PRDM5: variants seen among roughly 807,000 people sequenced by gnomAD.
The protein encoded by PRDM5 is PR/SET domain 5, also known as PR domain zinc finger protein 5.
In PRDM5, 56 loss-of-function variants were observed where a neutral mutation model predicts 81.2. That is an observed-to-expected ratio of 0.69 (90% confidence interval 0.56 to 0.86). The LOEUF (loss-of-function observed/expected upper bound fraction) is 0.86, where lower values mean the gene tolerates loss of function less well. PRDM5 is among the 40% of genes least tolerant of loss of function. PRDM5 has a pLI of 0.00. For missense variants in PRDM5, 697 were observed against 770.1 expected (o/e 0.91, Z 1.12); for synonymous variants, 267 against 256.4 (o/e 1.04, Z -0.39).
At chr4:120,787,549 GA>G (rs1475050460) in intron 10 of PRDM5, among the ~76,000 whole-genome samples, 21 of 152,250 alleles carry the variant, frequency 1.4e-4, no homozygotes, top group African/African-American at 4.8e-4. Flanking sequence ...GAGATAATTA[GA>G]GCTTATCCAG....
intron 13 of PRDM5, among the ~76,000 whole-genome samples, chr4:120,774,914 GTATATGTATA>G (rs1430763910): frequency 5.0e-4 from 69 of 137,366 alleles, no homozygotes; most frequent in African/African-American, 5.4e-4. Flanking sequence ...ATATGTATAT[GTATATGTATA>G]TATATGTATA....
At chr4:120,707,173 AC>A (rs1331877710) in intron 15 of PRDM5, among the ~76,000 whole-genome samples, 7 of 152,124 alleles carry the variant, frequency 4.6e-5, no homozygotes, top group Non-Finnish European at 8.8e-5. Flanking sequence ...CCTAAAACAA[AC>A]AAACAAGCAA....
chr4:120,793,301 A>G (rs923063346), intron 10 of PRDM5, among the ~76,000 whole-genome samples: 1 of 152,178 alleles, frequency 6.6e-6, no homozygotes, highest in African/African-American at 2.4e-5. Context: ...ATGATCTGTC[A>G]CTGTCTCTCA....
intron 15 of PRDM5, among the ~76,000 whole-genome samples, chr4:120,709,946 C>T (rs1736709634): frequency 6.6e-6 from 1 of 152,154 alleles, no homozygotes; most frequent in African/African-American, 2.4e-5. Flanking sequence ...CCAGTCAAAT[C>T]TCTGGTTTAA....
intron 8 of PRDM5, among the ~76,000 whole-genome samples, chr4:120,806,834 C>A (rs1460258520): frequency 9.2e-5 from 14 of 152,048 alleles, no homozygotes; most frequent in South Asian, 8.3e-4. Flanking sequence ...GCAACAAAAG[C>A]CAAAATTGAC....
intron 14 of PRDM5, among the ~76,000 whole-genome samples, chr4:120,750,718 A>ACACATG (rs1240938492): frequency 6.7e-6 from 1 of 149,910 alleles, no homozygotes; most frequent in Non-Finnish European, 1.5e-5. Flanking sequence ...ACACACACAC[A>ACACATG]CGCGCACACA....
intron 14 of PRDM5, among the ~76,000 whole-genome samples, chr4:120,719,101 T>C (rs1738215029): frequency 6.6e-6 from 1 of 152,196 alleles, no homozygotes; most frequent in Admixed American, 6.5e-5. Context: ...TTTCTGGATC[T>C]CAGCAAAAGG....
chr4:120,817,935 T>G (rs1242162108), intron 5 of PRDM5, among the ~76,000 whole-genome samples: 2 of 152,204 alleles, frequency 1.3e-5, no homozygotes, highest in East Asian at 3.8e-4. Context: ...CTTTATACTT[T>G]GAACTCCCCA....
chr4:120,836,271 A>G (rs1233756166), intron 3 of PRDM5, among the ~76,000 whole-genome samples: 1 of 152,232 alleles, frequency 6.6e-6, no homozygotes, highest in Admixed American at 6.5e-5. Flanking sequence ...TGTTGATGTC[A>G]GAAGTTCAGG....
At chr4:120,886,275 T>C (rs890502835) in intron 2 of PRDM5, among the ~76,000 whole-genome samples, 2 of 152,216 alleles carry the variant, frequency 1.3e-5, no homozygotes, top group Non-Finnish European at 2.9e-5. Context: ...TCCAAACACC[T>C]AAAAGGACTT....
chr4:120,793,216 G>C (rs1750840448), intron 10 of PRDM5, among the ~76,000 whole-genome samples: 2 of 152,134 alleles, frequency 1.3e-5, no homozygotes, highest in Admixed American at 1.3e-4. Context: ...GATTCTCACA[G>C]GAGGGTGAAT....
intron 14 of PRDM5, among the ~76,000 whole-genome samples, chr4:120,712,566 AAGT>A (rs1737166296): frequency 6.6e-6 from 1 of 152,112 alleles, no homozygotes; most frequent in East Asian, 1.9e-4. Flanking sequence ...CAGATATGTT[AAGT>A]ACCATTCCCT....
At chr4:120,836,995 G>C (rs756196878) in intron 3 of PRDM5, among the ~76,000 whole-genome samples, 4 of 152,114 alleles carry the variant, frequency 2.6e-5, no homozygotes, top group Non-Finnish European at 5.9e-5. Context: ...CAAATGTTCT[G>C]AGGCTATTCT....
At chr4:120,867,493 A>G (rs776253461) in intron 2 of PRDM5, among the ~76,000 whole-genome samples, 19 of 152,190 alleles carry the variant, frequency 1.2e-4, no homozygotes, top group Non-Finnish European at 2.1e-4. Context: ...CAGTGTATAT[A>G]GAGACATCAA....
intron 15 of PRDM5, among the ~76,000 whole-genome samples, chr4:120,698,443 A>G (rs751129181): frequency 4.6e-5 from 7 of 152,134 alleles, no homozygotes; most frequent in Non-Finnish European, 7.4e-5. Context: ...TAAGTCAGTC[A>G]GGATTTCAGT....
intron 14 of PRDM5, among the ~76,000 whole-genome samples, chr4:120,749,001 G>A (rs1048813222): frequency 6.6e-6 from 1 of 152,044 alleles, no homozygotes; most frequent in Non-Finnish European, 1.5e-5. Flanking sequence ...AATTAATCTA[G>A]AATTAAGTGG....
chr4:120,761,281 T>C (rs1286910309), intron 13 of PRDM5, among the ~76,000 whole-genome samples: 2 of 152,168 alleles, frequency 1.3e-5, no homozygotes, highest in African/African-American at 4.8e-5. Context: ...GGATGCCACA[T>C]GGAACACCTT....
chr4:120,692,028 A>G lies in PRDM5; in HGVS notation c.*3083T>C, dbSNP rs1734082399. ...TACACGCAAACAAATGTCAATATCA[A>G]TGGTAAAATTTTAGGATTTTAAAGA... On this transcript the variant is annotated 3_prime_UTR_variant, in exon 16 of 16. Transcript: ENST00000264808. The G allele has an allele frequency of 6.6e-6, 1 of 152,058 alleles. No homozygotes were observed. Among genetic ancestry groups the G allele is most frequent in the Admixed American group, 6.6e-5 (1 of 15,230 alleles). 9.4% of individuals were successfully genotyped at this position (152,058 alleles called of 1,614,324 possible).
At chr4:120,917,251 A>T (rs1376303019) in intron 1 of PRDM5, among the ~76,000 whole-genome samples, 1 of 152,092 alleles carries the variant, frequency 6.6e-6, no homozygotes, top group Non-Finnish European at 1.5e-5. Context: ...CCTCTTCTGC[A>T]CTTAGAATGC....
Sources: allele counts gnomAD v4.1 joint callset (sites outside exome capture counted in the v4.1 genomes callset), GRCh38; gene constraint gnomAD v4.1.1; transcripts MANE v1.5; gene names NCBI Gene and HGNC (gene_info 2026-07-23, HGNC 2026-07-21).